SGCZ: variants seen among roughly 807,000 people sequenced by gnomAD.
SGCZ encodes the protein sarcoglycan zeta.
Under a neutral mutation model 41.3 loss-of-function variants are expected in SGCZ, and 40 were observed. The ratio of observed to expected loss-of-function variants is 0.97; its 90% confidence interval spans 0.75 to 1.26. SGCZ has a LOEUF of 1.26. Among genes scored for constraint, SGCZ ranks in the 50% most tolerant of loss-of-function variants. The pLI is 0.00. For synonymous variants in SGCZ, 206 were observed against 137.5 expected, an observed-to-expected ratio of 1.50 and a Z score of -3.49; for missense variants, 552 against 369.8, an observed-to-expected ratio of 1.49 and a Z score of -4.04.
chr8:14,509,519 G>A (rs567864776), intron 2 of SGCZ, among the ~76,000 whole-genome samples: 3 of 152,156 alleles, frequency 2.0e-5, no homozygotes, highest in Admixed American at 6.6e-5. Flanking sequence ...TCATTACTTT[G>A]CACTGCTACA....
At chr8:14,492,860 T>A (rs1346155406) in intron 2 of SGCZ, among the ~76,000 whole-genome samples, 1 of 152,202 alleles carries the variant, frequency 6.6e-6, no homozygotes, top group African/African-American at 2.4e-5. Context: ...GACATCTCAG[T>A]GTAATTCTTG....
intron 1 of SGCZ, among the ~76,000 whole-genome samples, chr8:15,083,323 T>C (rs1294123247): frequency 6.6e-6 from 1 of 152,192 alleles, no homozygotes; most frequent in Non-Finnish European, 1.5e-5. Flanking sequence ...AAACAGATCA[T>C]CTCTCCTTAG....
At chr8:15,019,335 G>C (rs1391567170) in intron 1 of SGCZ, among the ~76,000 whole-genome samples, 1 of 152,184 alleles carries the variant, frequency 6.6e-6, no homozygotes, top group Non-Finnish European at 1.5e-5. Context: ...GGGCAACAAA[G>C]GAAGGATAAA....
chr8:14,401,919 TC>T (rs1799087980), intron 2 of SGCZ, among the ~76,000 whole-genome samples: 1 of 150,734 alleles, frequency 6.6e-6, no homozygotes, highest in Non-Finnish European at 1.5e-5. Context: ...GTAAAAGTGT[TC>T]CTATTTCTCC....
chr8:15,013,040 G>A (rs781537931), intron 1 of SGCZ, among the ~76,000 whole-genome samples: 5 of 152,012 alleles, frequency 3.3e-5, no homozygotes, highest in Non-Finnish European at 5.9e-5. Flanking sequence ...TGGCAAACAG[G>A]TGGATTTTTA....
chr8:14,168,038 G>A (rs1804260468), intron 4 of SGCZ, among the ~76,000 whole-genome samples: 1 of 152,136 alleles, frequency 6.6e-6, no homozygotes, highest in South Asian at 2.1e-4. Flanking sequence ...AATGGATATA[G>A]CTGCTTGTTT....
At chr8:14,816,847 T>C (rs1801916227) in intron 1 of SGCZ, among the ~76,000 whole-genome samples, 1 of 152,222 alleles carries the variant, frequency 6.6e-6, no homozygotes, top group Non-Finnish European at 1.5e-5. Flanking sequence ...AGCAAATGTA[T>C]CTGCCAAAAA....
At chr8:14,976,102 A>G (rs1371504782) in intron 1 of SGCZ, among the ~76,000 whole-genome samples, 2 of 150,826 alleles carry the variant, frequency 1.3e-5, no homozygotes, top group Non-Finnish European at 2.9e-5. Flanking sequence ...CACTCACTGT[A>G]ACCTCTGCCT....
intron 1 of SGCZ, among the ~76,000 whole-genome samples, chr8:15,053,632 G>A (rs1034244003): frequency 1.3e-5 from 2 of 152,106 alleles, no homozygotes; most frequent in South Asian, 4.1e-4. Context: ...GAAAGTCGGA[G>A]GTGATATTGG....
At chr8:14,994,492 G>A (rs1033045339) in intron 1 of SGCZ, among the ~76,000 whole-genome samples, 4 of 152,042 alleles carry the variant, frequency 2.6e-5, no homozygotes, top group Admixed American at 6.5e-5. Flanking sequence ...GCTGAGGCAG[G>A]AGAATTGCTT....
intron 1 of SGCZ, among the ~76,000 whole-genome samples, chr8:14,923,676 T>C (rs1376837569): frequency 2.6e-5 from 4 of 152,216 alleles, no homozygotes; most frequent in African/African-American, 9.7e-5. Flanking sequence ...GCATGGAATT[T>C]ATATCACAGG....
At chr8:14,391,773 A>C (rs1252265809) in intron 2 of SGCZ, among the ~76,000 whole-genome samples, 1 of 152,186 alleles carries the variant, frequency 6.6e-6, no homozygotes, top group African/African-American at 2.4e-5. Context: ...AAGCAATTTA[A>C]TTGGCTCACA....
At chr8:14,636,101 T>C (rs761320466) in intron 1 of SGCZ, among the ~76,000 whole-genome samples, 1 of 151,718 alleles carries the variant, frequency 6.6e-6, no homozygotes, top group African/African-American at 2.4e-5. Context: ...AATCTAGAGA[T>C]GAATAAAAGC....
At chr8:15,078,635 G>A (rs1026796718) in intron 1 of SGCZ, among the ~76,000 whole-genome samples, 1 of 151,978 alleles carries the variant, frequency 6.6e-6, no homozygotes, top group South Asian at 2.1e-4. Context: ...CTTAGTAAGT[G>A]ATGCACAATG....
chr8:15,219,821 TTTCA>T (rs1392194280), intron 1 of SGCZ, among the ~76,000 whole-genome samples: 2 of 152,318 alleles, frequency 1.3e-5, no homozygotes, highest in African/African-American at 4.8e-5. Context: ...CCAAAGCAAC[TTTCA>T]TTCAAAGGTG....
At chr8:14,347,428 A>G (rs1802927041) in intron 2 of SGCZ, among the ~76,000 whole-genome samples, 1 of 152,074 alleles carries the variant, frequency 6.6e-6, no homozygotes, top group Non-Finnish European at 1.5e-5. Flanking sequence ...TGCATTAGAA[A>G]TTTAGTAACA....
intron 1 of SGCZ, among the ~76,000 whole-genome samples, chr8:14,567,894 A>C (rs1321490779): frequency 6.6e-6 from 1 of 152,218 alleles, no homozygotes; most frequent in Non-Finnish European, 1.5e-5. Context: ...CAGAAGGAAG[A>C]AACTCCGAAC....
intron 1 of SGCZ, among the ~76,000 whole-genome samples, chr8:15,231,181 T>C (rs1801926926): frequency 6.6e-6 from 1 of 152,192 alleles, no homozygotes; most frequent in South Asian, 2.1e-4. Flanking sequence ...TAGCCCCTGT[T>C]TCCCTGATGG....
intron 3 of SGCZ, among the ~76,000 whole-genome samples, chr8:14,264,627 A>T (rs1328493001): frequency 6.6e-6 from 1 of 152,144 alleles, no homozygotes; most frequent in Non-Finnish European, 1.5e-5. Context: ...GAAAGAAAAT[A>T]ATCAGTCTGC....
Sources: gnomAD v4.1 joint callset for allele counts (sites outside exome capture counted in the v4.1 genomes callset) on GRCh38, gnomAD v4.1.1 for gene constraint, MANE v1.5 for transcripts, NCBI Gene and HGNC (gene_info 2026-07-23, HGNC 2026-07-21) for gene names.